The following PCYT1A variants were observed in gnomAD, a reference collection of about 807,000 sequenced individuals.
PCYT1A encodes the protein phosphate cytidylyltransferase 1A, choline, also known as choline-phosphate cytidylyltransferase A.
A neutral mutation model predicts 43.7 loss-of-function variants in PCYT1A; 25 were observed. The ratio of observed to expected loss-of-function variants is 0.57; its 90% CI spans 0.42 to 0.80. The LOEUF (loss-of-function observed/expected upper bound fraction) is 0.80. PCYT1A is among the 30% of genes least tolerant of loss of function. PCYT1A has a pLI of 0.00. For synonymous variants in PCYT1A, 172 were observed against 170.7 expected, an observed-to-expected ratio of 1.01 and a Z score of -0.06; for missense variants, 421 against 474.2, an observed-to-expected ratio of 0.89 and a Z score of 1.04.
chr3:196,263,065 T>A lies in PCYT1A; in HGVS notation c.118-5178A>T, dbSNP rs188694082. ...GCCTCGGCCTCCCAAAGTGCTGGGATTACAGGCGTGAGCCACCGCATCCAA... is the reference window on the plus strand; with the variant it reads ...GCCTCGGCCTCCCAAAGTGCTGGGAATACAGGCGTGAGCCACCGCATCCAA... On this transcript the variant is annotated intron_variant, in intron 2 of 8. Transcript: ENST00000431016. 2.8e-3 allele frequency among the ~76,000 whole-genome samples: 419 copies of A among 152,280 alleles called. 1 individual carries two copies. The highest frequency in any genetic ancestry group is 9.6e-3 in the African/African-American group (397 of 41,554).
At chr3:196,267,716 C>CAA (rs914922215) in intron 2 of PCYT1A, among the ~76,000 whole-genome samples, 1 of 131,444 alleles carries the variant, frequency 7.6e-6, no homozygotes, top group Non-Finnish European at 1.6e-5. Flanking sequence ...GACCCTGTCT[C>CAA]AAAAAAAAAA....
intron 2 of PCYT1A, among the ~76,000 whole-genome samples, chr3:196,265,981 C>A (rs1404760966): frequency 6.7e-6 from 1 of 149,956 alleles, no homozygotes; most frequent in Admixed American, 6.6e-5. Context: ...TCAGGTGATC[C>A]GCCCACCTCA....
At chr3:196,274,628 C>A (rs1208649356) in intron 1 of PCYT1A, among the ~76,000 whole-genome samples, 1 of 152,194 alleles carries the variant, frequency 6.6e-6, no homozygotes, top group South Asian at 2.1e-4. Flanking sequence ...CAATGCCAGA[C>A]AGAATGAGGA....
chr3:196,243,562 T>C (rs1381168495), intron 5 of PCYT1A, among the ~76,000 whole-genome samples: 9 of 151,566 alleles, frequency 5.9e-5, no homozygotes, highest in South Asian at 2.1e-4. Flanking sequence ...CCTCTCTTTC[T>C]ATGGTCTCCC....
intron 1 of PCYT1A, among the ~76,000 whole-genome samples, chr3:196,278,918 T>C: frequency 6.8e-6 from 1 of 147,088 alleles, no homozygotes; most frequent in Non-Finnish European, 1.5e-5. Context: ...GATGCAGAGG[T>C]TGCAGTGAGC....
chr3:196,237,974 C>T lies in PCYT1A; in HGVS notation c.*714G>A, dbSNP rs1366239117. ...TCTGAGAAGATGAACACAGCAGAAA[C>T]ACTGCAGTTGATGCCATGGGTCTGC... On this transcript the variant is annotated 3_prime_UTR_variant, in exon 9 of 9. Coordinates refer to ENST00000431016, the MANE Select transcript of PCYT1A (RefSeq NM_001312673.2). 1 of 152,216 alleles carries T rather than the reference C, an allele frequency of 6.6e-6. No individual in the cohort carries two copies. The highest frequency in any genetic ancestry group is 6.5e-5 in the Admixed American group (1 of 15,278). The allele number at this position is 152,216 out of a possible 1,614,324, so 9.4% of individuals were successfully genotyped here. A position where few individuals can be genotyped will look rare whatever the true frequency, so the allele number is the denominator to read the frequency against.
At chr3:196,257,413 T>C (rs1724983022) in intron 3 of PCYT1A, among the ~76,000 whole-genome samples, 1 of 152,156 alleles carries the variant, frequency 6.6e-6, no homozygotes, top group Non-Finnish European at 1.5e-5. Flanking sequence ...TGACAGAACG[T>C]AGAGAGGTGG....
intron 1 of PCYT1A, among the ~76,000 whole-genome samples, chr3:196,276,460 A>G (rs189553551): frequency 2.0e-5 from 3 of 152,086 alleles, no homozygotes; most frequent in African/African-American, 7.2e-5. Context: ...AAAATTAGCC[A>G]GACTTGGTGG....
At chr3:196,250,240 G>A (rs1198865587) in intron 3 of PCYT1A, among the ~76,000 whole-genome samples, 1 of 148,676 alleles carries the variant, frequency 6.7e-6, no homozygotes, top group Admixed American at 6.7e-5. Context: ...CTGAGGACCA[G>A]GTACACCATG....
chr3:196,267,047 C>A (rs1345854068), intron 2 of PCYT1A, among the ~76,000 whole-genome samples: 1 of 152,052 alleles, frequency 6.6e-6, no homozygotes, highest in African/African-American at 2.4e-5. Flanking sequence ...GATGTGGTGG[C>A]TGGCGCCTGT....
chr3:196,248,180 A>C (rs779217393), intron 4 of PCYT1A, 27 bp downstream of exon 4: 1 of 1,209,988 alleles, frequency 8.3e-7, no homozygotes. Flanking sequence ...TCTGCACAGC[A>C]CCTGAAGTCA....
chr3:196,286,061 C>CT (rs533707821), intron 1 of PCYT1A, among the ~76,000 whole-genome samples: 19,855 of 124,304 alleles, frequency 0.16, 1,905 homozygotes, highest in Middle Eastern at 0.23. Context: ...ACCACTGTCC[C>CT]TTTTTTTTTT....
chr3:196,235,100 T>C lies in PCYT1A; in HGVS notation c.*3588A>G, dbSNP rs1008436352. On this transcript the variant is annotated 3_prime_UTR_variant, in exon 9 of 9. Coordinates refer to ENST00000431016, the MANE Select transcript of PCYT1A (RefSeq NM_001312673.2). The surrounding 1 kb of genome is among the most constrained non-coding windows in gnomAD (Gnocchi z 4.3). ...AAAATATAATTGATTTGGAAAGATT[T>C]TGGATAAGTGATCTGGAACAGGATT... The C allele has an allele frequency of 1.3e-5, 2 of 152,196 alleles. No homozygotes were observed. The highest frequency in any genetic ancestry group is 4.8e-5 in the African/African-American group (2 of 41,438). The allele number at this position is 152,196 out of a possible 1,614,324, so 9.4% of individuals were successfully genotyped here. A position where few individuals can be genotyped will look rare whatever the true frequency, so the allele number is the denominator to read the frequency against.
At chr3:196,246,573 G>T (rs994618986) in intron 5 of PCYT1A, among the ~76,000 whole-genome samples, 1 of 152,182 alleles carries the variant, frequency 6.6e-6, no homozygotes, top group Non-Finnish European at 1.5e-5. Flanking sequence ...TTAAAAGGAG[G>T]TAAGGGGTTG....
intron 2 of PCYT1A, among the ~76,000 whole-genome samples, chr3:196,265,358 C>G (rs537103297): frequency 1.3e-5 from 2 of 152,010 alleles, no homozygotes; most frequent in African/African-American, 4.8e-5. Flanking sequence ...GAGCCACTTG[C>G]GCCCAGCCTG....
At chr3:196,261,775 G>C (rs1325136401) in intron 2 of PCYT1A, among the ~76,000 whole-genome samples, 10 of 145,288 alleles carry the variant, frequency 6.9e-5, no homozygotes, top group Non-Finnish European at 1.4e-4. Flanking sequence ...GGGCAGTGGA[G>C]CAAAACTCCA....
In PCYT1A at chr3:196,242,828, T is replaced by C. The variant is rs1340158782; in HGVS notation, c.487-188A>G. On this transcript the variant is annotated intron_variant, in intron 5 of 8. Coordinates refer to ENST00000431016, the MANE Select transcript of PCYT1A (RefSeq NM_001312673.2). The surrounding 1 kb of genome is among the most constrained non-coding windows in gnomAD (Gnocchi z 4.2). ...CCACCCAACCTAATGATTTATGGAGTATACATATGAAGTTAGCCAGCTGCT... is the reference window on the plus strand; with the variant it reads ...CCACCCAACCTAATGATTTATGGAGCATACATATGAAGTTAGCCAGCTGCT... 6.6e-6 allele frequency: 4 copies of C among 610,300 alleles called. No individual in the cohort carries two copies. Among genetic ancestry groups the C allele is most frequent in the Non-Finnish European group, 1.2e-5 (4 of 336,902 alleles). 37.8% of individuals were successfully genotyped at this position (610,300 alleles called of 1,614,324 possible). A position where few individuals can be genotyped will look rare whatever the true frequency, so the allele number is the denominator to read the frequency against.
intron 7 of PCYT1A, 36 bp downstream of exon 7, chr3:196,241,912 A>G: frequency 6.2e-7 from 1 of 1,612,944 alleles, no homozygotes. Context: ...TGTCTCCTAC[A>G]GAGTCAGGGA....
chr3:196,279,303 A>C (rs984188961), intron 1 of PCYT1A, among the ~76,000 whole-genome samples: 1 of 144,576 alleles, frequency 6.9e-6, no homozygotes, highest in Admixed American at 7.2e-5. Context: ...AAAAAAAAAA[A>C]GGGCTGACAG....
Sources: gnomAD v4.1 joint callset for allele counts (sites outside exome capture counted in the v4.1 genomes callset) on GRCh38, gnomAD v4.1.1 for gene constraint, Gnocchi (gnomAD v3.1) non-coding constraint, MANE v1.5 for transcripts, NCBI Gene and HGNC (gene_info 2026-07-23, HGNC 2026-07-21) for gene names.